The following CRYBG3 variants were observed in gnomAD, a reference collection of about 807,000 sequenced individuals.
CRYBG3 encodes very large A-kinase anchor protein.
CRYBG3 carries 127 observed loss-of-function variants against 244.2 expected under a neutral mutation model. That is an observed-to-expected ratio of 0.52 (90% CI 0.45 to 0.60). The LOEUF is 0.60. CRYBG3 is among the 20% of genes least tolerant of loss of function. CRYBG3 has a pLI of 0.00. For synonymous variants in CRYBG3, 1,132 were observed against 1,195.8 expected (o/e 0.95, Z 1.10); for missense variants, 3,325 against 3,442.5 (o/e 0.97, Z 0.85).
chr3:97,882,205 C>CTAATAA (rs5851083), intron 7 of CRYBG3, among the ~76,000 whole-genome samples: 5 of 149,406 alleles, frequency 3.3e-5, no homozygotes, highest in African/African-American at 1.2e-4. Flanking sequence ...AAGACTCTGT[C>CTAATAA]TAATAATAAT....
chr3:97,823,652 A>G (rs903625103), intron 1 of CRYBG3, among the ~76,000 whole-genome samples: 6 of 152,224 alleles, frequency 3.9e-5, no homozygotes, highest in African/African-American at 1.4e-4. Flanking sequence ...GGTGTCAGCT[A>G]GTTCTGTTGG....
intron 17 of CRYBG3, among the ~76,000 whole-genome samples, chr3:97,919,755 T>C (rs2039964148): frequency 6.6e-6 from 1 of 150,376 alleles, no homozygotes; most frequent in Admixed American, 6.6e-5. Flanking sequence ...GCTTGGGGCG[T>C]TGGTGTAGAG....
rs2039423321 is a variant in CRYBG3, at chr3:97,879,708, T to A, written c.6848T>A (p.Val2283Asp). 4 of 1,601,028 alleles carry A rather than the reference T, an allele frequency of 2.5e-6. No homozygotes were observed. The highest frequency in any genetic ancestry group is 3.4e-6 in the Non-Finnish European group (4 of 1,173,990). The part of the protein sequence containing the change: ...PGRLSPFIEN[V>D]DKQTLRCNPR... ...TTTCCACTTTTATTATTTCAGAATG[T>A]TGACAAACAAACTCTGAGATGTAAC... Residue 2283 changes from valine (V) to aspartate (D), a missense_variant, in exon 5 of 22, where the codon GTT (valine) becomes GAT (aspartate). Coordinates refer to ENST00000389622, the MANE Select transcript of CRYBG3 (RefSeq NM_153605.4).
chr3:97,916,647 C>A (rs2039932332), intron 17 of CRYBG3, among the ~76,000 whole-genome samples: 1 of 152,116 alleles, frequency 6.6e-6, no homozygotes, highest in Non-Finnish European at 1.5e-5. Context: ...ACCTTTCTGT[C>A]AGAGCTGACT....
intron 17 of CRYBG3, among the ~76,000 whole-genome samples, chr3:97,929,206 G>A (rs2040071252): frequency 6.6e-6 from 1 of 151,858 alleles, no homozygotes; most frequent in Non-Finnish European, 1.5e-5. Context: ...GCCACAAATG[G>A]TTGGCCAGCT....
intron 14 of CRYBG3, 65 bp downstream of exon 14, chr3:97,899,328 AAC>A: frequency 6.6e-7 from 1 of 1,516,790 alleles, no homozygotes; most frequent in South Asian, 1.3e-5. Context: ...ATATGTGGAA[AAC>A]ACTTTTTAAA....
intron 12 of CRYBG3, among the ~76,000 whole-genome samples, chr3:97,898,213 T>C (rs1318943586): frequency 2.7e-5 from 4 of 150,864 alleles, no homozygotes; most frequent in African/African-American, 9.7e-5. Context: ...AGAGCGAAAC[T>C]GCTTCTTGAA....
intron 3 of CRYBG3, among the ~76,000 whole-genome samples, chr3:97,868,625 C>G (rs2039265042): frequency 6.6e-6 from 1 of 152,150 alleles, no homozygotes; most frequent in Non-Finnish European, 1.5e-5. Flanking sequence ...TAACCAACTT[C>G]TTGAAAGTAC....
At chr3:97,822,495 C>G in intron 1 of CRYBG3, 140 bp downstream of exon 1, 1 of 769,420 alleles carries the variant, frequency 1.3e-6, no homozygotes, top group East Asian at 3.2e-5. Flanking sequence ...TCCTCCATTG[C>G]TAAAGTTTCC....
intron 17 of CRYBG3, among the ~76,000 whole-genome samples, chr3:97,920,349 C>T (rs1156297549): frequency 6.6e-6 from 1 of 152,116 alleles, no homozygotes; most frequent in African/African-American, 2.4e-5. Flanking sequence ...AACATCAGCT[C>T]TTACCTCCAT....
intron 12 of CRYBG3, among the ~76,000 whole-genome samples, chr3:97,898,536 T>G (rs952702943): frequency 1.3e-5 from 2 of 152,206 alleles, no homozygotes; most frequent in Non-Finnish European, 2.9e-5. Context: ...AGTACACTAT[T>G]TACTTTTGTT....
chr3:97,836,552 A>T (rs1176241242), intron 1 of CRYBG3, among the ~76,000 whole-genome samples: 1 of 152,078 alleles, frequency 6.6e-6, no homozygotes, highest in Non-Finnish European at 1.5e-5. Flanking sequence ...AGTCAATTTA[A>T]TCCATAATGT....
intron 1 of CRYBG3, among the ~76,000 whole-genome samples, chr3:97,828,266 T>G (rs2038604454): frequency 6.6e-6 from 1 of 152,132 alleles, no homozygotes; most frequent in South Asian, 2.1e-4. Context: ...ATATTGCAGA[T>G]TCACATACTC....
rs1322652540 is a variant in CRYBG3, at chr3:97,874,184, T to C, written c.2990T>C (p.Phe997Ser). The C allele has an allele frequency of 2.6e-6, 4 of 1,529,608 alleles. No individual in the cohort carries two copies. In the South Asian group the frequency reaches 3.7e-5, roughly 14 times the overall value. The allele number at this position is 1,529,608 out of a possible 1,614,324, so 94.8% of individuals were successfully genotyped here. ...ELSLTNISPK[F>S]QETGSMKVNS... ...AGCTTAACTAATATTTCCCCTAAAT[T>C]CCAAGAAACTGGCAGCATGAAAGTA... The change falls in exon 4 of 22, where the codon TTC becomes TCC. Residue 997 changes from phenylalanine (F) to serine (S), a missense_variant. By Grantham distance (155) the Phe-to-Ser change is radical. Coordinates refer to ENST00000389622, the MANE Select transcript of CRYBG3 (RefSeq NM_153605.4).
chr3:97,840,399 G>A (rs1234982329), intron 1 of CRYBG3, among the ~76,000 whole-genome samples: 2 of 152,108 alleles, frequency 1.3e-5, no homozygotes, highest in Non-Finnish European at 2.9e-5. Context: ...TAAGAATCAT[G>A]CAACTTAAAG....
chr3:97,845,408 A>G (rs376013696), intron 2 of CRYBG3, among the ~76,000 whole-genome samples: 6 of 152,218 alleles, frequency 3.9e-5, no homozygotes, highest in Non-Finnish European at 7.3e-5. Flanking sequence ...CTTACATGCT[A>G]CACAAATTTT....
intron 16 of CRYBG3, among the ~76,000 whole-genome samples, chr3:97,913,665 C>T (rs1042633913): frequency 3.3e-5 from 5 of 152,130 alleles, no homozygotes; most frequent in Non-Finnish European, 1.5e-5. Context: ...GGCCCACATG[C>T]TGTAGTTTGC....
intron 15 of CRYBG3, 35 bp from the exon 16 acceptor site, chr3:97,912,132 T>A (rs1383844887): frequency 5.1e-6 from 6 of 1,168,900 alleles, no homozygotes; most frequent in Non-Finnish European, 2.4e-6. Context: ...AGACCATTTT[T>A]TTTCTATTTA....
Position 97,869,629 on chromosome 3 carries a change from T to C in CRYBG3, c.648-2213T>C, listed in dbSNP as rs192630145. Among the ~76,000 whole-genome samples, 23 of 152,310 alleles carry C rather than the reference T, an allele frequency of 1.5e-4. No individual in the cohort carries two copies. In the Middle Eastern group the frequency reaches 0.01, roughly 68 times the overall value. ...GACCCAAATGTCAAATAATGGTATC[T>C]TATCCAAGTTTTGACTTTGTTTCAT... On this transcript the variant is annotated intron_variant, in intron 3 of 21. Transcript: ENST00000389622.
Sources: allele counts gnomAD v4.1 joint callset (sites outside exome capture counted in the v4.1 genomes callset), GRCh38; gene constraint gnomAD v4.1.1; transcripts MANE v1.5; gene names NCBI Gene and HGNC (gene_info 2026-07-23, HGNC 2026-07-21).